Variants in SCN11A observed in about 807,000 individuals in gnomAD.
SCN11A encodes the protein sodium voltage-gated channel alpha subunit 11.
Under a neutral mutation model 162.2 loss-of-function variants are expected in SCN11A, and 122 were observed. The ratio of observed to expected loss-of-function variants is 0.75; its 90% CI spans 0.65 to 0.87. The LOEUF is 0.87. Among genes scored for constraint, SCN11A ranks in the 40% least tolerant of loss-of-function variants. The pLI is 0.00. For synonymous variants in SCN11A, 758 were observed against 751.5 expected, an observed-to-expected ratio of 1.01 and a Z score of -0.14; for missense variants, 2,015 against 2,181.6, an observed-to-expected ratio of 0.92 and a Z score of 1.52.
chr3:38,971,771 G>A (rs1206466450), intron 2 of SCN11A, among the ~76,000 whole-genome samples: 1 of 152,148 alleles, frequency 6.6e-6, no homozygotes, highest in Non-Finnish European at 1.5e-5. Flanking sequence ...CTGAAAGCTG[G>A]TTCAGGGCAA....
intron 2 of SCN11A, among the ~76,000 whole-genome samples, chr3:39,018,861 A>G (rs1282422968): frequency 6.6e-6 from 1 of 152,198 alleles, no homozygotes; most frequent in African/African-American, 2.4e-5. Flanking sequence ...TTGAAACTGC[A>G]TTTGCAAAAA....
chr3:39,017,720 T>C (rs1418911881), intron 2 of SCN11A, among the ~76,000 whole-genome samples: 1 of 152,214 alleles, frequency 6.6e-6, no homozygotes, highest in East Asian at 1.9e-4. Flanking sequence ...TGTCTTTTTT[T>C]TTACATCTTT....
chr3:38,900,379 A>G (rs2065679987), intron 16 of SCN11A, among the ~76,000 whole-genome samples: 1 of 152,186 alleles, frequency 6.6e-6, no homozygotes, highest in Admixed American at 6.5e-5. Flanking sequence ...TTACTGGTAG[A>G]TGGCAGGGTG....
At chr3:38,972,581 T>C (rs1034371260) in intron 2 of SCN11A, among the ~76,000 whole-genome samples, 3 of 152,064 alleles carry the variant, frequency 2.0e-5, no homozygotes, top group Non-Finnish European at 2.9e-5. Flanking sequence ...TTCATATATA[T>C]GTATACACAC....
chr3:38,952,111 C>T (rs2066629336), intron 4 of SCN11A, among the ~76,000 whole-genome samples: 1 of 152,078 alleles, frequency 6.6e-6, no homozygotes, highest in Non-Finnish European at 1.5e-5. Flanking sequence ...ACGAGCCCAC[C>T]AGGAGGAATG....
Position 38,960,368 on chromosome 3 carries a change from C to T in SCN11A, c.-224G>A, listed in dbSNP as rs933347153. On this transcript the variant is annotated 5_prime_UTR_variant, in exon 3 of 30. Coordinates refer to ENST00000302328, the MANE Select transcript of SCN11A (RefSeq NM_001349253.2). ...ACAGAGCAAGTCTCTCAGCAGAGTTCGAGCTTCTGCTCCTGGCAGCTGCCT... is the reference window on the plus strand; with the variant it reads ...ACAGAGCAAGTCTCTCAGCAGAGTTTGAGCTTCTGCTCCTGGCAGCTGCCT... Among the ~76,000 whole-genome samples the T allele has an allele frequency of 7.9e-5, 12 of 152,140 alleles. No individual in the cohort carries two copies. The highest frequency in any genetic ancestry group is 1.9e-4 in the East Asian group (1 of 5,182).
At chr3:38,931,320 G>T (rs1189500196) in intron 7 of SCN11A, among the ~76,000 whole-genome samples, 1 of 152,178 alleles carries the variant, frequency 6.6e-6, no homozygotes, top group Non-Finnish European at 1.5e-5. Flanking sequence ...ACCTAGAAGG[G>T]AGAAGAATTC....
chr3:39,033,874 A>G (rs1169108855), intron 1 of SCN11A, among the ~76,000 whole-genome samples: 7 of 152,160 alleles, frequency 4.6e-5, no homozygotes, highest in Admixed American at 1.3e-4. Flanking sequence ...AGAGATAATT[A>G]AAAGTATAGG....
chr3:38,968,083 T>G (rs894620969), intron 2 of SCN11A, among the ~76,000 whole-genome samples: 1 of 152,004 alleles, frequency 6.6e-6, no homozygotes, highest in Non-Finnish European at 1.5e-5. Flanking sequence ...CCTCATGGAG[T>G]AGAACCGAAG....
At position 38,847,690 on chromosome 3, in the gene SCN11A, C is replaced by T. The variant is rs777033605; in HGVS notation, c.4380G>A (p.Thr1460=). 24 of 1,612,626 alleles carry T rather than the reference C, an allele frequency of 1.5e-5. No homozygotes were observed. Among genetic ancestry groups the T allele is most frequent in the Non-Finnish European group, 2.0e-5 (24 of 1,179,126 alleles). The change falls in exon 30 of 30, where the codon ACG becomes ACA. Residue 1460 remains threonine (T), a synonymous_variant. Transcript: ENST00000302328. ...GAGCCAAGCGGACAATTCTGAAGAG[C>T]GTCGGAGGGAAAGGAATGTGCTCCT... ...ENQEHIPFPP[T]LFRIVRLARI... is the part of the protein sequence containing the mutation.
chr3:38,855,644 C>T (rs1204740499), intron 28 of SCN11A, among the ~76,000 whole-genome samples: 1 of 152,166 alleles, frequency 6.6e-6, no homozygotes, highest in Admixed American at 6.5e-5. Flanking sequence ...CAGAATAGCC[C>T]TGATCCCAGG....
intron 17 of SCN11A, 88 bp from the exon 18 acceptor site, chr3:38,897,313 C>T (rs2065620458): frequency 1.5e-6 from 2 of 1,325,874 alleles, no homozygotes; most frequent in Admixed American, 2.4e-5. Context: ...ATGACATATA[C>T]CCAAACTTAT....
intron 23 of SCN11A, among the ~76,000 whole-genome samples, chr3:38,872,696 C>T (rs754735404): frequency 1.3e-5 from 2 of 152,106 alleles, no homozygotes; most frequent in Non-Finnish European, 2.9e-5. Flanking sequence ...AAATTTCTAA[C>T]TTTGATCACT....
rs2030218403 is a variant in SCN11A at position 38,985,798 on chromosome 3, C to G, written c.-279-25375G>C. 2.0e-5 allele frequency among the ~76,000 whole-genome samples: 3 copies of G among 150,886 alleles called. No homozygotes were observed. In the South Asian group the frequency reaches 6.2e-4, roughly 31 times the overall value. On this transcript the variant is annotated intron_variant, in intron 2 of 29. Transcript: ENST00000302328. ...CTCAAAACTTAGTGGCTTAAAATAG[C>G]CATAAGTGTTTACCATCTCACAGTT...
intron 2 of SCN11A, among the ~76,000 whole-genome samples, chr3:39,001,738 C>CAAAA (rs869231834): frequency 3.4e-5 from 5 of 146,010 alleles, no homozygotes; most frequent in Non-Finnish European, 7.5e-5. Flanking sequence ...AACAAACAAA[C>CAAAA]AAAACACTAT....
intron 2 of SCN11A, among the ~76,000 whole-genome samples, chr3:38,980,397 AG>A (rs1213548756): frequency 6.6e-6 from 1 of 152,200 alleles, no homozygotes; most frequent in Non-Finnish European, 1.5e-5. Context: ...CAGGAAGGGA[AG>A]TTAATGGGGA....
chr3:39,015,114 TAAG>T (rs143747187), intron 2 of SCN11A, among the ~76,000 whole-genome samples: 5,361 of 152,308 alleles, frequency 0.035, 299 homozygotes, highest in African/African-American at 0.12. Context: ...GTGGAGCCTT[TAAG>T]AAGAGAGAGC....
At chr3:38,958,108 C>T (rs7643012) in intron 3 of SCN11A, among the ~76,000 whole-genome samples, 5,582 of 152,316 alleles carry the variant, frequency 0.037, 211 homozygotes, top group East Asian at 0.18. Context: ...AGTCACATAG[C>T]CTCACTGTGC....
intron 2 of SCN11A, among the ~76,000 whole-genome samples, chr3:39,015,708 T>C (rs1036936718): frequency 6.6e-6 from 1 of 152,198 alleles, no homozygotes; most frequent in African/African-American, 2.4e-5. Context: ...TACTGAGCAC[T>C]GGATTGTTTT....
Sources: gnomAD v4.1 joint callset for allele counts (sites outside exome capture counted in the v4.1 genomes callset) on GRCh38, gnomAD v4.1.1 for gene constraint, MANE v1.5 for transcripts, NCBI Gene and HGNC (gene_info 2026-07-23, HGNC 2026-07-21) for gene names.